NOX3: variants seen among roughly 807,000 people sequenced by gnomAD.
NOX3 encodes the protein NADPH oxidase catalytic subunit-like 3.
A neutral mutation model predicts 76.7 loss-of-function variants in NOX3; 74 were observed. The observed-to-expected ratio is 0.96, with a 90% CI of 0.80 to 1.17. The LOEUF (loss-of-function observed/expected upper bound fraction) is 1.17, where lower values mean the gene tolerates loss of function less well. Among genes scored for constraint, NOX3 ranks in the 50% most tolerant of loss-of-function variants. The probability of loss-of-function intolerance (pLI) is 0.00; values close to 1 mark genes in which losing one functional copy is unlikely to be tolerated. For missense variants in NOX3, 695 were observed against 703.3 expected (o/e 0.99, Z 0.13); for synonymous variants, 263 against 261.1 (o/e 1.01, Z -0.07).
At chr6:155,398,408 T>C (rs1288452653) in intron 12 of NOX3, among the ~76,000 whole-genome samples, 3 of 152,212 alleles carry the variant, frequency 2.0e-5, no homozygotes, top group African/African-American at 7.2e-5. Flanking sequence ...TAGAGCCTAG[T>C]TCTTCTTAGC....
At chr6:155,446,004 A>G (rs1777061441) in intron 4 of NOX3, among the ~76,000 whole-genome samples, 1 of 135,472 alleles carries the variant, frequency 7.4e-6, no homozygotes. Context: ...TATAATATAT[A>G]TATATTGCAC....
chr6:155,439,299 G>A (rs973165398), intron 6 of NOX3, among the ~76,000 whole-genome samples: 10 of 152,178 alleles, frequency 6.6e-5, no homozygotes, highest in Admixed American at 5.2e-4. Context: ...AATATTTAAA[G>A]GATTGAAAAG....
chr6:155,435,885 T>A (rs760395197), intron 7 of NOX3, among the ~76,000 whole-genome samples: 15 of 152,248 alleles, frequency 9.9e-5, no homozygotes, highest in African/African-American at 3.4e-4. Context: ...TTGGCTAACA[T>A]CATCATTATT....
At chr6:155,426,456 A>C (rs953241819) in intron 9 of NOX3, among the ~76,000 whole-genome samples, 2 of 152,194 alleles carry the variant, frequency 1.3e-5, no homozygotes, top group African/African-American at 4.8e-5. Flanking sequence ...TAAAGTCAGC[A>C]TGTGGCATCA....
At chr6:155,404,087 C>T (rs893865490) in intron 12 of NOX3, among the ~76,000 whole-genome samples, 7 of 149,046 alleles carry the variant, frequency 4.7e-5, no homozygotes, top group African/African-American at 1.8e-4. Flanking sequence ...GACTGAAAAC[C>T]GAACGTAAAA....
chr6:155,429,138 C>A, intron 8 of NOX3, 91 bp from the exon 9 acceptor site: 1 of 1,276,316 alleles, frequency 7.8e-7, no homozygotes, highest in South Asian at 1.9e-5. Context: ...AATTTTAGAT[C>A]AGCTTGTTTC....
rs143358981 is a variant in NOX3, at chr6:155,455,048, G to A, written c.130C>T (p.Arg44Ter). The A allele has an allele frequency of 2.0e-4, 317 of 1,610,606 alleles. No individual in the cohort carries two copies. Among genetic ancestry groups the A allele is most frequent in the Middle Eastern group, 3.3e-4 (2 of 6,056 alleles). Residue 44 changes from arginine to a stop codon, truncating the protein, a stop_gained, in exon 2 of 14, where the codon CGA becomes TGA. Transcript: ENST00000159060. LOFTEE classifies it high-confidence loss of function. Reference sequence around the variant, plus strand: ...ACTGTACTTACACCCAAAATAACTCGTGTGTAATGGAAAGACTCCTCCTCT... The same window carrying A: ...ACTGTACTTACACCCAAAATAACTCATGTGTAATGGAAAGACTCCTCCTCT... Reference protein sequence around the residue: ...YEEEESFHYTRVILGSTLAWA... With the variant: ...YEEEESFHYT
At chr6:155,426,995 G>GTGTGTGTGTGTGTGTGTA (rs1562465118) in intron 9 of NOX3, among the ~76,000 whole-genome samples, 3 of 119,394 alleles carry the variant, frequency 2.5e-5, no homozygotes, top group African/African-American at 1.0e-4. Context: ...GTGTGTGTGT[G>GTGTGTGTGTGTGTGTGTA]TGTGTGTGTG....
Position 155,428,999 on chromosome 6 carries a change from C to T in NOX3, c.940G>A (p.Gly314Ser), listed in dbSNP as rs1215008083. 1 of 1,611,022 alleles carries T rather than the reference C, an allele frequency of 6.2e-7. No individual in the cohort carries two copies. Among genetic ancestry groups the T allele is most frequent in the Non-Finnish European group, 8.5e-7 (1 of 1,178,054 alleles). ...GVLELHMKKR[G>S]FKMAPGQYIL... ...TACTGCCCTGGCGCCATTTTAAAGC[C>T]ACGCTTTTTCATGTGAAGTTCCAGG... Residue 314 changes from glycine (G) to serine (S), a missense_variant, in exon 9 of 14, where the codon GGC becomes AGC. Gly to Ser is a moderately conservative substitution (Grantham distance 56). Transcript: ENST00000159060.
At chr6:155,425,443 G>A (rs1166745019) in intron 9 of NOX3, among the ~76,000 whole-genome samples, 1 of 152,062 alleles carries the variant, frequency 6.6e-6, no homozygotes, top group Admixed American at 6.5e-5. Context: ...GTGAGTCCTT[G>A]CTGGGTAGTT....
intron 11 of NOX3, 52 bp from the exon 12 acceptor site, chr6:155,407,306 T>C: frequency 6.7e-7 from 1 of 1,490,030 alleles, no homozygotes. Context: ...AAATAAGACT[T>C]CTATAAATAA....
intron 4 of NOX3, among the ~76,000 whole-genome samples, chr6:155,443,754 A>T (rs1441471378): frequency 6.6e-6 from 1 of 152,054 alleles, no homozygotes; most frequent in Non-Finnish European, 1.5e-5. Context: ...AGAAATAATG[A>T]TATATAACTT....
Position 155,455,743 on chromosome 6 carries a change from T to G in NOX3, c.48+10A>C. 1 of 1,605,932 alleles carries G rather than the reference T, an allele frequency of 6.2e-7. No homozygotes were observed. The highest frequency in any genetic ancestry group is 8.5e-7 in the Non-Finnish European group (1 of 1,172,736). ...TATATTTAAAGTTGAATAACAAAAA[T>G]GATACTTACTACTAATATGGTGGAG... On this transcript the variant is annotated intron_variant, in intron 1 of 13. Coordinates refer to ENST00000159060, the MANE Select transcript of NOX3 (RefSeq NM_015718.3).
At chr6:155,422,935 CT>C in intron 9 of NOX3, 79 bp from the exon 10 acceptor site, 1 of 1,459,698 alleles carries the variant, frequency 6.9e-7, no homozygotes, top group Non-Finnish European at 9.5e-7. Flanking sequence ...GGAGCTGGTG[CT>C]TTTTACAGGA....
chr6:155,406,000 T>C (rs2114677099), intron 12 of NOX3, among the ~76,000 whole-genome samples: 1 of 152,328 alleles, frequency 6.6e-6, no homozygotes. Flanking sequence ...TCTCACCTCC[T>C]CTGTTCTGGG....
intron 5 of NOX3, among the ~76,000 whole-genome samples, chr6:155,442,068 T>C (rs1042856141): frequency 2.6e-5 from 4 of 152,072 alleles, no homozygotes; most frequent in Non-Finnish European, 5.9e-5. Context: ...ATCAAGACCA[T>C]CCTGGCTAAC....
chr6:155,451,140 G>A (rs1012987032), intron 4 of NOX3, among the ~76,000 whole-genome samples: 23 of 152,056 alleles, frequency 1.5e-4, no homozygotes, highest in African/African-American at 4.6e-4. Flanking sequence ...CACCATACCT[G>A]GCTAATTTTT....
At chr6:155,448,640 C>CT (rs1777095143) in intron 4 of NOX3, among the ~76,000 whole-genome samples, 1 of 85,850 alleles carries the variant, frequency 1.2e-5, no homozygotes, top group Non-Finnish European at 2.4e-5. Flanking sequence ...GAAGAGTGAA[C>CT]CAAAAAAAAA....
chr6:155,451,210 C>G (rs1777135255), intron 4 of NOX3, among the ~76,000 whole-genome samples: 1 of 152,110 alleles, frequency 6.6e-6, no homozygotes, highest in Non-Finnish European at 1.5e-5. Flanking sequence ...AACTCCTGAT[C>G]TCAGGTAATC....
Sources: allele counts gnomAD v4.1 joint callset (sites outside exome capture counted in the v4.1 genomes callset), GRCh38; gene constraint gnomAD v4.1.1; transcripts MANE v1.5; gene names NCBI Gene and HGNC (gene_info 2026-07-23, HGNC 2026-07-21).